The following ATRN variants were observed in gnomAD, a reference collection of about 807,000 sequenced individuals.
ATRN encodes attractin, also known as attractin-2.
ATRN carries 54 observed loss-of-function variants against 178.7 expected under a neutral mutation model. The ratio of observed to expected loss-of-function variants is 0.30; its 90% CI spans 0.24 to 0.38. ATRN has a LOEUF of 0.38. ATRN is among the 10% of genes least tolerant of loss of function. The pLI, the probability that ATRN is intolerant of heterozygous loss-of-function variation, is 1.00. For synonymous variants in ATRN, 636 were observed against 663.0 expected (o/e 0.96, Z 0.63); for missense variants, 1,443 against 1,815.1 (o/e 0.79, Z 3.73).
intron 24 of ATRN, among the ~76,000 whole-genome samples, chr20:3,622,415 C>T (rs1440722666): frequency 1.3e-5 from 2 of 152,238 alleles, no homozygotes; most frequent in African/African-American, 4.8e-5. Context: ...ATGGATTTTA[C>T]AGTTGGTTGG....
intron 18 of ATRN, among the ~76,000 whole-genome samples, chr20:3,590,303 C>G (rs2086422121): frequency 6.6e-6 from 1 of 152,170 alleles, no homozygotes; most frequent in Non-Finnish European, 1.5e-5. Context: ...AGAACAAGTA[C>G]AAGGCTATGG....
chr20:3,589,718 C>A (rs1349748648), intron 18 of ATRN, among the ~76,000 whole-genome samples: 1 of 151,738 alleles, frequency 6.6e-6, no homozygotes, highest in Non-Finnish European at 1.5e-5. Flanking sequence ...GGTATGATGT[C>A]CTGGAAAAGC....
Position 3,646,857 on chromosome 20 carries a change from C to G in ATRN, c.*10C>G. 1 of 1,613,036 alleles carries G rather than the reference C, an allele frequency of 6.2e-7. No homozygotes were observed. Among genetic ancestry groups the G allele is most frequent in the Non-Finnish European group, 8.5e-7 (1 of 1,179,708 alleles). ...TGGGACCTGCATCTGATGCTGGGGCCAGGGACTCTCCCACGCACGAGCTAG... is the reference window on the plus strand; with the variant it reads ...TGGGACCTGCATCTGATGCTGGGGCGAGGGACTCTCCCACGCACGAGCTAG... On this transcript the variant is annotated 3_prime_UTR_variant, in exon 29 of 29. Coordinates refer to ENST00000262919, the MANE Select transcript of ATRN (RefSeq NM_139321.3).
At chr20:3,545,701 G>A (rs2085690643) in intron 3 of ATRN, 61 bp from the exon 4 acceptor site, 23 of 1,570,016 alleles carry the variant, frequency 1.5e-5, no homozygotes, top group Middle Eastern at 1.7e-4. Flanking sequence ...ATTTCTGTCT[G>A]CTACAATTTG....
At chr20:3,557,727 C>T (rs1170216942) in intron 6 of ATRN, among the ~76,000 whole-genome samples, 1 of 152,070 alleles carries the variant, frequency 6.6e-6, no homozygotes, top group Non-Finnish European at 1.5e-5. Flanking sequence ...AATTTTATAA[C>T]AAAAATTGGA....
At chr20:3,621,315 G>T (rs2086895582) in intron 24 of ATRN, among the ~76,000 whole-genome samples, 2 of 152,014 alleles carry the variant, frequency 1.3e-5, no homozygotes, top group Non-Finnish European at 2.9e-5. Context: ...CAGTAGTAGA[G>T]TGAGCGGAAG....
chr20:3,582,631 A>G (rs2086297026), intron 16 of ATRN, among the ~76,000 whole-genome samples: 1 of 152,216 alleles, frequency 6.6e-6, no homozygotes, highest in South Asian at 2.1e-4. Flanking sequence ...TATTGACCAG[A>G]AAAAGTATTG....
chr20:3,641,615 A>AAAT (rs2087069343), intron 27 of ATRN, among the ~76,000 whole-genome samples: 1 of 144,950 alleles, frequency 6.9e-6, no homozygotes, highest in Non-Finnish European at 1.5e-5. Flanking sequence ...AAAAAAAAAA[A>AAAT]GGGAAAAGAT....
chr20:3,571,367 T>C (rs1360149362), intron 11 of ATRN, among the ~76,000 whole-genome samples: 2 of 152,240 alleles, frequency 1.3e-5, no homozygotes, highest in Admixed American at 6.5e-5. Flanking sequence ...GTACTTCTTT[T>C]TGTATTTTTG....
Position 3,490,454 on chromosome 20 carries a change from G to T in ATRN, c.410+18937G>T, listed in dbSNP as rs6051894. 15,972 of 947,718 alleles carry T rather than the reference G, an allele frequency of 0.017. 985 individuals carry two copies. The African/African-American group carries it at 0.17, about 10-fold the overall frequency. 58.7% of individuals were successfully genotyped at this position (947,718 alleles called of 1,614,324 possible). On this transcript the variant is annotated intron_variant, in intron 1 of 28. Transcript: ENST00000262919. ...GTGTAATCCTGAAGTTACTCAAGCAGCATCTCTAGGTATCTCTTATACTCT... is the reference window on the plus strand; with the variant it reads ...GTGTAATCCTGAAGTTACTCAAGCATCATCTCTAGGTATCTCTTATACTCT...
chr20:3,495,184 A>C (rs922746057), intron 1 of ATRN, among the ~76,000 whole-genome samples: 1 of 152,224 alleles, frequency 6.6e-6, no homozygotes, highest in Non-Finnish European at 1.5e-5. Context: ...AATTAGATCA[A>C]AATTTTCTGA....
chr20:3,521,411 A>G (rs961606507), intron 1 of ATRN, among the ~76,000 whole-genome samples: 1 of 152,230 alleles, frequency 6.6e-6, no homozygotes, highest in Non-Finnish European at 1.5e-5. Context: ...GAAATATTTC[A>G]TAAAGACAAA....
At position 3,578,569 on chromosome 20, in the gene ATRN, C is replaced by G. The variant is rs746657272; in HGVS notation, c.2354-13C>G. ...CTAAAATTCTTTTCTTTCTCTTTTC[C>G]CCTTAATGAAAGAAAATATCTGTGG... On this transcript the variant is annotated splice_polypyrimidine_tract_variant and intron_variant, in intron 14 of 28. Coordinates refer to ENST00000262919, the MANE Select transcript of ATRN (RefSeq NM_139321.3). The G allele has an allele frequency of 1.3e-6, 2 of 1,588,574 alleles. No homozygotes were observed. Among genetic ancestry groups the G allele is most frequent in the Non-Finnish European group, 1.7e-6 (2 of 1,165,502 alleles).
At chr20:3,629,450 A>G (rs189628968) in intron 25 of ATRN, among the ~76,000 whole-genome samples, 105 of 152,190 alleles carry the variant, frequency 6.9e-4, no homozygotes, top group African/African-American at 2.5e-3. Context: ...TCTTCTCACT[A>G]CCCTTCATTC....
intron 1 of ATRN, among the ~76,000 whole-genome samples, chr20:3,529,872 CAG>C (rs1021621076): frequency 6.6e-6 from 1 of 152,058 alleles, no homozygotes; most frequent in Non-Finnish European, 1.5e-5. Flanking sequence ...TAAATGCAAA[CAG>C]ATTATATATT....
chr20:3,572,652 TAA>T (rs11475024), intron 11 of ATRN, 77 bp from the exon 12 acceptor site: 181,472 of 985,436 alleles, frequency 0.18, 5 homozygotes, highest in East Asian at 0.3. Context: ...CCCTGTCTCT[TAA>T]AAAAAAAAAA....
At chr20:3,615,993 T>C (rs1336198187) in intron 24 of ATRN, 10 of 212,048 alleles carry the variant, frequency 4.7e-5, no homozygotes, top group Non-Finnish European at 5.0e-5. Context: ...TGTATACATA[T>C]GTAACAAACC....
intron 1 of ATRN, among the ~76,000 whole-genome samples, chr20:3,504,914 T>A (rs1169318672): frequency 6.6e-6 from 1 of 152,090 alleles, no homozygotes; most frequent in Admixed American, 6.5e-5. Context: ...AAGCAGATTA[T>A]TATAAGCCGT....
chr20:3,529,517 C>A (rs894919135), intron 1 of ATRN, among the ~76,000 whole-genome samples: 2 of 152,080 alleles, frequency 1.3e-5, no homozygotes, highest in Non-Finnish European at 2.9e-5. Flanking sequence ...ACTATTGATA[C>A]AATACTTAGA....
Sources: gnomAD v4.1 joint callset for allele counts (sites outside exome capture counted in the v4.1 genomes callset) on GRCh38, gnomAD v4.1.1 for gene constraint, MANE v1.5 for transcripts, NCBI Gene and HGNC (gene_info 2026-07-23, HGNC 2026-07-21) for gene names.